The following BMPR1B variants were observed in gnomAD, a reference collection of about 807,000 sequenced individuals.
BMPR1B encodes the protein bone morphogenetic protein receptor type 1B.
Under a neutral mutation model 59.1 loss-of-function variants are expected in BMPR1B, and 12 were observed. That is an observed-to-expected ratio of 0.20 (90% CI 0.13 to 0.33). The LOEUF (loss-of-function observed/expected upper bound fraction) is 0.33, where lower values mean the gene tolerates loss of function less well. BMPR1B is among the 10% of genes least tolerant of loss of function. The pLI, the probability that BMPR1B is intolerant of heterozygous loss-of-function variation, is 1.00. For synonymous variants in BMPR1B, 237 were observed against 207.3 expected (o/e 1.14, Z -1.23); for missense variants, 550 against 610.9 (o/e 0.90, Z 1.05).
At chr4:94,902,657 A>G (rs1485944458) in intron 2 of BMPR1B, among the ~76,000 whole-genome samples, 1 of 152,028 alleles carries the variant, frequency 6.6e-6, no homozygotes, top group Admixed American at 6.6e-5. Flanking sequence ...TATACAAAGT[A>G]GAATCATTTA....
intron 1 of BMPR1B, among the ~76,000 whole-genome samples, chr4:94,769,470 C>T (rs537088825): frequency 6.8e-4 from 104 of 152,106 alleles, no homozygotes; most frequent in Non-Finnish European, 9.6e-4. Flanking sequence ...ATTAGCCAGG[C>T]GTGGTGGCAC....
chr4:94,923,327 A>G (rs916942861), intron 2 of BMPR1B, among the ~76,000 whole-genome samples: 8 of 152,114 alleles, frequency 5.3e-5, no homozygotes, highest in African/African-American at 1.7e-4. Flanking sequence ...CCACAGTCAC[A>G]TACCACCTAC....
intron 1 of BMPR1B, among the ~76,000 whole-genome samples, chr4:94,858,495 G>A (rs539733495): frequency 2.7e-4 from 41 of 152,184 alleles, no homozygotes; most frequent in Non-Finnish European, 4.7e-4. Flanking sequence ...TTTTGGATTA[G>A]GCATTTATTT....
At chr4:95,049,610 A>T (rs182187118) in intron 3 of BMPR1B, among the ~76,000 whole-genome samples, 2 of 151,798 alleles carry the variant, frequency 1.3e-5, no homozygotes, top group Admixed American at 1.3e-4. Flanking sequence ...TGTTGCACAA[A>T]TTGAAAATTC....
intron 1 of BMPR1B, among the ~76,000 whole-genome samples, chr4:94,773,131 A>C (rs1482146011): frequency 6.6e-6 from 1 of 152,064 alleles, no homozygotes; most frequent in Non-Finnish European, 1.5e-5. Context: ...CTTTTTCGGA[A>C]GAGGAAGTCA....
chr4:94,873,694 T>C (rs1381392398), intron 1 of BMPR1B, among the ~76,000 whole-genome samples: 1 of 152,166 alleles, frequency 6.6e-6, no homozygotes, highest in Non-Finnish European at 1.5e-5. Context: ...AGGCGTGAGC[T>C]GCCGTGCCCG....
At chr4:94,763,666 T>G (rs931960070) in intron 1 of BMPR1B, among the ~76,000 whole-genome samples, 3 of 152,220 alleles carry the variant, frequency 2.0e-5, no homozygotes, top group Non-Finnish European at 4.4e-5. Flanking sequence ...TAGATAGATA[T>G]GAACTTAAAC....
intron 1 of BMPR1B, among the ~76,000 whole-genome samples, chr4:94,780,188 G>A (rs1009198994): frequency 3.9e-5 from 6 of 151,958 alleles, no homozygotes; most frequent in African/African-American, 7.3e-5. Flanking sequence ...ACTCCCAACC[G>A]CACTAGCCCT....
At chr4:95,076,590 G>A (rs1728730302) in intron 3 of BMPR1B, among the ~76,000 whole-genome samples, 1 of 151,986 alleles carries the variant, frequency 6.6e-6, no homozygotes, top group Non-Finnish European at 1.5e-5. Context: ...TACAGATGAG[G>A]AAATGAAAGT....
intron 3 of BMPR1B, among the ~76,000 whole-genome samples, chr4:95,040,293 TAGATA>T (rs1295167218): frequency 6.6e-6 from 1 of 152,248 alleles, no homozygotes; most frequent in Non-Finnish European, 1.5e-5. Flanking sequence ...TTTAAGGGTT[TAGATA>T]AGAGTGATAC....
intron 10 of BMPR1B, among the ~76,000 whole-genome samples, chr4:95,132,978 C>A (rs908347905): frequency 6.6e-6 from 1 of 152,164 alleles, no homozygotes; most frequent in East Asian, 1.9e-4. Flanking sequence ...GCTCTGCTCT[C>A]TTTTTACCTC....
intron 2 of BMPR1B, among the ~76,000 whole-genome samples, chr4:94,892,058 C>G (rs1457610986): frequency 6.6e-6 from 1 of 152,074 alleles, no homozygotes; most frequent in Non-Finnish European, 1.5e-5. Context: ...CAAAAAAACT[C>G]ATGTCTCATT....
At chr4:94,953,416 A>G (rs56379420) in intron 2 of BMPR1B, among the ~76,000 whole-genome samples, 2,964 of 151,994 alleles carry the variant, frequency 0.02, 91 homozygotes, top group African/African-American at 0.067. Context: ...TCCTTTCCAT[A>G]TTTACTGCTT....
At chr4:95,055,173 G>T (rs34355615) in intron 3 of BMPR1B, among the ~76,000 whole-genome samples, 33,292 of 151,992 alleles carry the variant, frequency 0.22, 4,061 homozygotes, top group East Asian at 0.41. Context: ...ATATAACCTG[G>T]ATTTTATGTA....
At chr4:94,789,255 C>T (rs929311261) in intron 1 of BMPR1B, among the ~76,000 whole-genome samples, 1 of 152,202 alleles carries the variant, frequency 6.6e-6, no homozygotes, top group Non-Finnish European at 1.5e-5. Flanking sequence ...GTTTTTTCAC[C>T]TTTACAATTT....
At chr4:94,884,793 G>T (rs62316210) in intron 2 of BMPR1B, among the ~76,000 whole-genome samples, 2 of 152,074 alleles carry the variant, frequency 1.3e-5, no homozygotes, top group Non-Finnish European at 2.9e-5. Context: ...GTAAGACTTC[G>T]TAGTTGTTCC....
intron 2 of BMPR1B, among the ~76,000 whole-genome samples, chr4:94,908,749 A>C (rs1397918704): frequency 6.6e-6 from 1 of 152,074 alleles, no homozygotes; most frequent in East Asian, 1.9e-4. Flanking sequence ...TCATTAAAGC[A>C]TTCACCGAAG....
At chr4:94,925,368 T>C (rs533527078) in intron 2 of BMPR1B, among the ~76,000 whole-genome samples, 1 of 152,276 alleles carries the variant, frequency 6.6e-6, no homozygotes, top group South Asian at 2.1e-4. Context: ...TAATCTGTAA[T>C]TCTGAGGCAA....
At position 94,916,401 on chromosome 4, in the gene BMPR1B, TGAG is replaced by T. The variant is rs369648693; in HGVS notation, c.-113+40504_-113+40506del. Among the ~76,000 whole-genome samples, 49 of 152,262 alleles carry T rather than the reference TGAG, an allele frequency of 3.2e-4. 1 individual carries two copies. In the East Asian group the frequency reaches 5.4e-3, roughly 17 times the overall value. ...AGGCTGCCGAGGTCTCAAATGGAAATGAGGAACTTACTGGGAACTGGACCAAAG... is the reference window on the plus strand; with the variant it reads ...AGGCTGCCGAGGTCTCAAATGGAAATGAACTTACTGGGAACTGGACCAAAG... On this transcript the variant is annotated intron_variant, in intron 2 of 12. Transcript: ENST00000515059.
Sources: gnomAD v4.1 joint callset for allele counts (sites outside exome capture counted in the v4.1 genomes callset) on GRCh38, gnomAD v4.1.1 for gene constraint, MANE v1.5 for transcripts, NCBI Gene and HGNC (gene_info 2026-07-23, HGNC 2026-07-21) for gene names.